The following PHACTR2 variants were observed in gnomAD, a reference collection of about 807,000 sequenced individuals.
PHACTR2 encodes the protein phosphatase and actin regulator 2.
Under a neutral mutation model 76.0 loss-of-function variants are expected in PHACTR2, and 30 were observed. The ratio of observed to expected loss-of-function variants is 0.39; its 90% CI spans 0.30 to 0.54. The LOEUF (loss-of-function observed/expected upper bound fraction) is 0.54, where lower values mean the gene tolerates loss of function less well. PHACTR2 is among the 20% of genes least tolerant of loss of function. PHACTR2 has a pLI of 0.61. For missense variants in PHACTR2, 696 were observed against 781.1 expected (o/e 0.89, Z 1.30); for synonymous variants, 292 against 292.5 (o/e 1.00, Z 0.02).
chr6:143,621,774 C>T lies in PHACTR2; in HGVS notation c.13+13452C>T, dbSNP rs1003419400. Reference sequence around the variant, plus strand: ...TTATGTAACATAGATTCATTTTGCACCTACGTGGACTTTAAATCTTTGCGA... The same window carrying T: ...TTATGTAACATAGATTCATTTTGCATCTACGTGGACTTTAAATCTTTGCGA... On this transcript the variant is annotated intron_variant, in intron 1 of 11. Transcript: ENST00000305766. The surrounding 1 kb of genome is among the most constrained non-coding windows in gnomAD (Gnocchi z 4.1). Among the ~76,000 whole-genome samples the T allele has an allele frequency of 1.3e-5, 2 of 152,146 alleles. No individual in the cohort carries two copies. Among genetic ancestry groups the T allele is most frequent in the African/African-American group, 4.8e-5 (2 of 41,436 alleles).
intron 1 of PHACTR2, among the ~76,000 whole-genome samples, chr6:143,567,477 C>T (rs146309703): frequency 0.01 from 1,542 of 152,320 alleles, 30 homozygotes; most frequent in African/African-American, 0.033. Context: ...CAGCTCACTG[C>T]AACCTCCACC....
At chr6:143,732,427 G>A (rs150022868) in intron 2 of PHACTR2, among the ~76,000 whole-genome samples, 185 of 152,200 alleles carry the variant, frequency 1.2e-3, no homozygotes, top group African/African-American at 3.4e-3. Context: ...AGCTTTCATT[G>A]GTCATCTATG....
chr6:143,772,241 T>C lies in PHACTR2; in HGVS notation c.1233-17T>C. On this transcript the variant is annotated splice_polypyrimidine_tract_variant and intron_variant, in intron 6 of 12. Coordinates refer to ENST00000440869, the MANE Select transcript of PHACTR2 (RefSeq NM_001100164.2). This position sits in a 1 kb window ranked among gnomAD's most constrained non-coding sequence, Gnocchi z 5.4. ...TCTGAGCTTCACATCACTCCCATGC[T>C]TTTCTGCCTTTAACAGTTTCACAAC... is the stretch of plus-strand genomic sequence containing the variant. 1 of 1,601,810 alleles carries C rather than the reference T, an allele frequency of 6.2e-7. No homozygotes were observed. Among genetic ancestry groups the C allele is most frequent in the Non-Finnish European group, 8.6e-7 (1 of 1,168,872 alleles).
rs775626766 is a variant in PHACTR2 at position 143,589,565 on chromosome 6, G to A, written c.217+52358G>A. Among the ~76,000 whole-genome samples the A allele has an allele frequency of 3.3e-5, 5 of 152,056 alleles. No homozygotes were observed. Among genetic ancestry groups the A allele is most frequent in the Non-Finnish European group, 5.9e-5 (4 of 67,996 alleles). ...GCGAGAACAGACTGATACAACTGCCGTCTTGTATCCTCAGGTGGTCTTTTC... is the reference window on the plus strand; with the variant it reads ...GCGAGAACAGACTGATACAACTGCCATCTTGTATCCTCAGGTGGTCTTTTC... On this transcript the variant is annotated intron_variant, in intron 1 of 11. Transcript: ENST00000367584. This position sits in a 1 kb window ranked among gnomAD's most constrained non-coding sequence, Gnocchi z 4.4.
chr6:143,542,116 C>T (rs185160618), intron 1 of PHACTR2, among the ~76,000 whole-genome samples: 100 of 152,330 alleles, frequency 6.6e-4, no homozygotes, highest in African/African-American at 2.3e-3. Context: ...CAGGCCAGCT[C>T]GGACAGTACA....
chr6:143,766,041 C>T (rs543358007), intron 6 of PHACTR2, among the ~76,000 whole-genome samples: 1 of 152,310 alleles, frequency 6.6e-6, no homozygotes, highest in East Asian at 1.9e-4. Flanking sequence ...TTCAAGTACA[C>T]TTAGAACCTG....
chr6:143,544,669 A>G (rs1037173513), intron 1 of PHACTR2, among the ~76,000 whole-genome samples: 13 of 152,334 alleles, frequency 8.5e-5, no homozygotes, highest in South Asian at 4.1e-4. Context: ...CAAATGATGC[A>G]TGGATTTTTC....
chr6:143,644,856 A>G (rs541603596), intron 1 of PHACTR2, among the ~76,000 whole-genome samples: 1 of 150,694 alleles, frequency 6.6e-6, no homozygotes, highest in African/African-American at 2.4e-5. Flanking sequence ...GCTATTGGGG[A>G]ACAGGTGGTG....
rs1466586534 is a variant in PHACTR2, at chr6:143,733,195, C to T, written c.215-15790C>T. ...TATAGATGTGAGCCACCATGCCTAGCCTGATTCCTCCTCTTTTTCTACCTT... is the reference window on the plus strand; with the variant it reads ...TATAGATGTGAGCCACCATGCCTAGTCTGATTCCTCCTCTTTTTCTACCTT... On this transcript the variant is annotated intron_variant, in intron 2 of 12. Coordinates refer to ENST00000440869, the MANE Select transcript of PHACTR2 (RefSeq NM_001100164.2). This position sits in a 1 kb window ranked among gnomAD's most constrained non-coding sequence, Gnocchi z 4.0. 6.6e-6 allele frequency among the ~76,000 whole-genome samples: 1 copy of T among 152,192 alleles called. No individual in the cohort carries two copies. Among genetic ancestry groups the T allele is most frequent in the Non-Finnish European group, 1.5e-5 (1 of 68,030 alleles).
At chr6:143,725,276 C>G (rs62427404) in intron 2 of PHACTR2, among the ~76,000 whole-genome samples, 1 of 139,864 alleles carries the variant, frequency 7.1e-6, no homozygotes, top group Non-Finnish European at 1.5e-5. Context: ...GGCGTGATCT[C>G]GGCAAGCTCC....
chr6:143,656,134 C>T lies in PHACTR2; in HGVS notation c.13+47812C>T, dbSNP rs573767098. Among the ~76,000 whole-genome samples, 2 of 152,290 alleles carry T rather than the reference C, an allele frequency of 1.3e-5. No homozygotes were observed. Among genetic ancestry groups the T allele is most frequent in the Admixed American group, 6.5e-5 (1 of 15,288 alleles). On this transcript the variant is annotated intron_variant, in intron 1 of 11. Transcript: ENST00000305766. This position sits in a 1 kb window ranked among gnomAD's most constrained non-coding sequence, Gnocchi z 5.3. ...TGACTTTCTTCTCCAAGCCAAACTG[C>T]AGAGGAAATAACAGGCGCAGAGACT...
intron 1 of PHACTR2, among the ~76,000 whole-genome samples, chr6:143,667,610 C>G (rs546761611): frequency 6.7e-4 from 102 of 152,222 alleles, no homozygotes; most frequent in African/African-American, 2.4e-3. Flanking sequence ...AAGTTGGATT[C>G]CTAGGTATTT....
intron 1 of PHACTR2, among the ~76,000 whole-genome samples, chr6:143,703,967 A>G (rs151273711): frequency 6.6e-6 from 1 of 152,312 alleles, no homozygotes; most frequent in African/African-American, 2.4e-5. Flanking sequence ...ATAAATATGT[A>G]TCATATGTCT....
At chr6:143,600,194 T>G (rs1186385982) in intron 1 of PHACTR2, among the ~76,000 whole-genome samples, 1 of 152,254 alleles carries the variant, frequency 6.6e-6, no homozygotes, top group South Asian at 2.1e-4. Flanking sequence ...TCCAACTAAC[T>G]GGTGGCTTGT....
In PHACTR2 at chr6:143,547,390, TG is replaced by T. The variant is rs766934000; in HGVS notation, c.217+10186del. ...TTGTCTCCCAGCATGATTATTTTGG[TG>T]GGAATAACAATCATTTGGACAGCTA... On this transcript the variant is annotated intron_variant, in intron 1 of 11. Coordinates refer to the PHACTR2 transcript ENST00000367584. The surrounding 1 kb of genome is among the most constrained non-coding windows in gnomAD (Gnocchi z 4.2). 2.6e-5 allele frequency among the ~76,000 whole-genome samples: 4 copies of T among 152,172 alleles called. No homozygotes were observed. Among genetic ancestry groups the T allele is most frequent in the Non-Finnish European group, 5.9e-5 (4 of 68,038 alleles).
Position 143,553,749 on chromosome 6 carries a change from G to A in PHACTR2, c.217+16542G>A, listed in dbSNP as rs1775126220. Reference sequence around the variant, plus strand: ...TTGATCAAGAAAAGAGTCTTGCTGGGAGACAGAGACAATACACAAACTAAA... The same window carrying A: ...TTGATCAAGAAAAGAGTCTTGCTGGAAGACAGAGACAATACACAAACTAAA... On this transcript the variant is annotated intron_variant, in intron 1 of 11. Transcript: ENST00000367584. This position sits in a 1 kb window ranked among gnomAD's most constrained non-coding sequence, Gnocchi z 4.2. Among the ~76,000 whole-genome samples the A allele has an allele frequency of 6.6e-6, 1 of 152,178 alleles. No homozygotes were observed. The highest frequency in any genetic ancestry group is 6.5e-5 in the Admixed American group (1 of 15,284).
intron 5 of PHACTR2, among the ~76,000 whole-genome samples, chr6:143,762,787 G>A (rs1779470743): frequency 6.6e-6 from 1 of 152,136 alleles, no homozygotes; most frequent in Admixed American, 6.5e-5. Context: ...CAGCTTCTTT[G>A]CCAGAGAAAT....
At position 143,654,180 on chromosome 6, in the gene PHACTR2, T is replaced by C. The variant is rs1448153829; in HGVS notation, c.13+45858T>C. 6.6e-6 allele frequency among the ~76,000 whole-genome samples: 1 copy of C among 152,178 alleles called. No individual in the cohort carries two copies. Among genetic ancestry groups the C allele is most frequent in the Admixed American group, 6.5e-5 (1 of 15,276 alleles). ...AGAGACCACTTTATACCCATGGGAA[T>C]GTCTATAATCAGAAAGACAGGTAAT... On this transcript the variant is annotated intron_variant, in intron 1 of 11. Coordinates refer to the PHACTR2 transcript ENST00000305766. The surrounding 1 kb of genome is among the most constrained non-coding windows in gnomAD (Gnocchi z 4.6).
At position 143,755,747 on chromosome 6, in the gene PHACTR2, AAGG is replaced by A. The variant is rs1307079660; in HGVS notation, c.454+1838_454+1840del. ...TGGAAAGTGCACACACCAAAGCCAC[AAGG>A]AGAAGCGCTAGGTATAGAAGCCACT... On this transcript the variant is annotated intron_variant, in intron 4 of 12. Coordinates refer to ENST00000440869, the MANE Select transcript of PHACTR2 (RefSeq NM_001100164.2). This position sits in a 1 kb window ranked among gnomAD's most constrained non-coding sequence, Gnocchi z 5.2. Among the ~76,000 whole-genome samples, 2 of 152,218 alleles carry A rather than the reference AAGG, an allele frequency of 1.3e-5. No homozygotes were observed. Among genetic ancestry groups the A allele is most frequent in the Admixed American group, 1.3e-4 (2 of 15,284 alleles).
Sources: gnomAD v4.1 joint callset for allele counts (sites outside exome capture counted in the v4.1 genomes callset) on GRCh38, gnomAD v4.1.1 for gene constraint, Gnocchi (gnomAD v3.1) non-coding constraint, MANE v1.5 for transcripts, NCBI Gene and HGNC (gene_info 2026-07-23, HGNC 2026-07-21) for gene names.